Variants in ZBTB20 observed in about 807,000 individuals in gnomAD.
ZBTB20 encodes the protein zinc finger and BTB domain-containing protein 20.
ZBTB20 carries 9 observed loss-of-function variants against 56.9 expected under a neutral mutation model. The observed-to-expected ratio is 0.16, with a 90% CI of 0.10 to 0.28. The LOEUF (loss-of-function observed/expected upper bound fraction) is 0.28, where lower values mean the gene tolerates loss of function less well. ZBTB20 is among the 10% of genes least tolerant of loss of function. ZBTB20 has a pLI of 1.00. For synonymous variants in ZBTB20, 417 were observed against 420.7 expected, an observed-to-expected ratio of 0.99 and a Z score of 0.11; for missense variants, 655 against 1,003.0, an observed-to-expected ratio of 0.65 and a Z score of 4.69.
chr3:115,079,212 A>T (rs1218528918), intron 1 of ZBTB20, among the ~76,000 whole-genome samples: 1 of 152,166 alleles, frequency 6.6e-6, no homozygotes, highest in Non-Finnish European at 1.5e-5. Flanking sequence ...CACTGTATGA[A>T]TTGCCTTGAA....
intron 3 of ZBTB20, 141 bp from the exon 4 acceptor site, chr3:114,900,483 A>G (rs995664565): frequency 6.0e-5 from 9 of 149,976 alleles, no homozygotes; most frequent in African/African-American, 2.2e-4. Context: ...TATTTTCCCT[A>G]TAGGATATTT....
At chr3:114,561,693 G>C (rs2684297) in intron 6 of ZBTB20, among the ~76,000 whole-genome samples, 8,967 of 151,874 alleles carry the variant, frequency 0.059, 858 homozygotes, top group African/African-American at 0.2. Context: ...ATAGAGCTCA[G>C]GCAGGGTAGA....
intron 6 of ZBTB20, among the ~76,000 whole-genome samples, chr3:114,557,796 A>G (rs1370221030): frequency 1.4e-5 from 2 of 142,930 alleles, no homozygotes; most frequent in Non-Finnish European, 3.2e-5. Context: ...AGAAATGATT[A>G]AGATAATTGT....
At chr3:114,577,475 A>G (rs2054204996) in intron 6 of ZBTB20, among the ~76,000 whole-genome samples, 1 of 152,214 alleles carries the variant, frequency 6.6e-6, no homozygotes, top group Non-Finnish European at 1.5e-5. Flanking sequence ...GTGAAATATA[A>G]AATGTGAAAA....
chr3:114,562,339 A>C (rs926374837), intron 6 of ZBTB20, among the ~76,000 whole-genome samples: 3 of 151,908 alleles, frequency 2.0e-5, no homozygotes. Context: ...TAATTTTTGT[A>C]TTTTTAGTAG....
intron 2 of ZBTB20, among the ~76,000 whole-genome samples, chr3:115,057,638 TCTTTA>T (rs2081855698): frequency 6.6e-6 from 1 of 152,218 alleles, no homozygotes; most frequent in African/African-American, 2.4e-5. Flanking sequence ...CTGGTACTCC[TCTTTA>T]CTTTGTGTTA....
At chr3:114,525,373 G>C (rs1029032752) in intron 6 of ZBTB20, among the ~76,000 whole-genome samples, 2 of 151,810 alleles carry the variant, frequency 1.3e-5, no homozygotes, top group African/African-American at 4.8e-5. Flanking sequence ...CTCCTTTCCT[G>C]CTCAAACCAT....
intron 2 of ZBTB20, among the ~76,000 whole-genome samples, chr3:115,019,208 T>C (rs928213632): frequency 1.3e-5 from 2 of 151,348 alleles, no homozygotes; most frequent in African/African-American, 4.8e-5. Flanking sequence ...AAATCTGCCC[T>C]TCATCTTGAC....
chr3:114,555,860 C>A, intron 6 of ZBTB20, among the ~76,000 whole-genome samples: 1 of 152,104 alleles, frequency 6.6e-6, no homozygotes, highest in East Asian at 1.9e-4. Context: ...ACAGACCCTG[C>A]TGACTTCAAT....
At chr3:114,865,222 CA>C (rs1349536210) in intron 4 of ZBTB20, among the ~76,000 whole-genome samples, 2 of 152,148 alleles carry the variant, frequency 1.3e-5, no homozygotes, top group Non-Finnish European at 2.9e-5. Flanking sequence ...CTCAACTATG[CA>C]TTTCCATGGT....
At chr3:115,124,440 T>C (rs1323478255) in intron 1 of ZBTB20, among the ~76,000 whole-genome samples, 3 of 152,196 alleles carry the variant, frequency 2.0e-5, no homozygotes, top group Non-Finnish European at 4.4e-5. Flanking sequence ...AAAAAATACA[T>C]ATGCATTGAT....
intron 6 of ZBTB20, among the ~76,000 whole-genome samples, chr3:114,543,138 C>T (rs1279065820): frequency 4.6e-5 from 7 of 151,984 alleles, no homozygotes; most frequent in Non-Finnish European, 2.9e-5. Context: ...ATAACTTATG[C>T]ACATCCTTCC....
chr3:114,685,467 G>A lies in ZBTB20; in HGVS notation c.-295+8061C>T, dbSNP rs572472514. On this transcript the variant is annotated intron_variant, in intron 6 of 11. Coordinates refer to ENST00000675478, the MANE Select transcript of ZBTB20 (RefSeq NM_001348800.3). The stretch of plus-strand genomic sequence containing the variant: ...AAACTGCTGGAGTGAAGCAGCCCTC[G>A]GCAGGTTTCACTCTTGTAGCTCTGC... 5.3e-5 allele frequency among the ~76,000 whole-genome samples: 8 copies of A among 152,288 alleles called. No homozygotes were observed. The South Asian group carries it at 1.2e-3, about 24-fold the overall frequency.
At chr3:114,748,342 TTTC>T (rs1342721098) in intron 5 of ZBTB20, among the ~76,000 whole-genome samples, 159 of 48,566 alleles carry the variant, frequency 3.3e-3, no homozygotes, top group Middle Eastern at 0.01. Flanking sequence ...TTCTTCTTTC[TTTC>T]TTTCTTTTCT....
rs904169298 is a variant in ZBTB20, at chr3:114,315,015, G to A, written c.*23990C>T. 1 of 151,980 alleles carries A rather than the reference G, an allele frequency of 6.6e-6. No homozygotes were observed. Among genetic ancestry groups the A allele is most frequent in the South Asian group, 2.1e-4 (1 of 4,836 alleles). 9.4% of individuals were successfully genotyped at this position (151,980 alleles called of 1,614,324 possible). On this transcript the variant is annotated 3_prime_UTR_variant, in exon 12 of 12. Transcript: ENST00000675478. Reference sequence around the variant, plus strand: ...CACTTGATAGAAAAGGCGTATGCAAGGTTTTTCCAAACAATTTTTCTGTTT... The same window carrying A: ...CACTTGATAGAAAAGGCGTATGCAAAGTTTTTCCAAACAATTTTTCTGTTT...
Position 114,351,316 on chromosome 3 carries a change from A to G in ZBTB20, c.762T>C (p.Asn254=). 1.2e-6 allele frequency: 2 copies of G among 1,606,976 alleles called. No individual in the cohort carries two copies. Among genetic ancestry groups the G allele is most frequent in the Non-Finnish European group, 1.7e-6 (2 of 1,178,926 alleles). ...TGTAAAAAGAGCGCTCGCCGCTGCC[A>G]TTCTGCATGGAGCACGCGTAGAGTG... The part of the protein sequence containing the change: ...YSALYACSMQ[N]GSGERSFYSG... Residue 254 remains asparagine, a synonymous_variant, in exon 11 of 12, where the codon AAT becomes AAC. Transcript: ENST00000675478.
At chr3:114,493,299 G>C (rs918174803) in intron 7 of ZBTB20, among the ~76,000 whole-genome samples, 1 of 152,128 alleles carries the variant, frequency 6.6e-6, no homozygotes, top group Non-Finnish European at 1.5e-5. Context: ...GTTGTTTCCA[G>C]TTTTGGGCTA....
intron 4 of ZBTB20, among the ~76,000 whole-genome samples, chr3:114,824,817 T>A (rs751283557): frequency 4.8e-4 from 73 of 151,910 alleles, no homozygotes; most frequent in Non-Finnish European, 5.9e-4. Context: ...AATAAAACCA[T>A]AAAAACTACC....
chr3:114,952,433 C>T (rs938774523), intron 3 of ZBTB20, among the ~76,000 whole-genome samples: 1 of 151,932 alleles, frequency 6.6e-6, no homozygotes, highest in Non-Finnish European at 1.5e-5. Context: ...TATGTCTGTT[C>T]TGTATTAATT....
Sources: gnomAD v4.1 joint callset for allele counts (sites outside exome capture counted in the v4.1 genomes callset) on GRCh38, gnomAD v4.1.1 for gene constraint, MANE v1.5 for transcripts, NCBI Gene and HGNC (gene_info 2026-07-23, HGNC 2026-07-21) for gene names.